The following ABCB11 variants were observed in gnomAD, a reference collection of about 807,000 sequenced individuals.
The protein encoded by ABCB11 is bile salt export pump.
Under a neutral mutation model 148.0 loss-of-function variants are expected in ABCB11, and 95 were observed. That is an observed-to-expected ratio of 0.64 (90% CI 0.54 to 0.76). ABCB11 has a LOEUF of 0.76. ABCB11 is among the 30% of genes least tolerant of loss of function. The pLI is 0.00. For synonymous variants in ABCB11, 591 were observed against 555.4 expected (o/e 1.06, Z -0.90); for missense variants, 1,523 against 1,617.8 (o/e 0.94, Z 1.01).
chr2:169,006,254 T>C (rs1695015776), intron 5 of ABCB11, among the ~76,000 whole-genome samples: 1 of 152,166 alleles, frequency 6.6e-6, no homozygotes. Flanking sequence ...TGAATATACA[T>C]TGATGTAATA....
chr2:169,027,652 C>A (rs1695740887), intron 1 of ABCB11, among the ~76,000 whole-genome samples: 1 of 152,044 alleles, frequency 6.6e-6, no homozygotes, highest in African/African-American at 2.4e-5. Context: ...TAAAAATGGG[C>A]CTGAATGAGT....
intron 10 of ABCB11, among the ~76,000 whole-genome samples, chr2:168,984,034 A>C (rs1431187880): frequency 6.6e-6 from 1 of 152,148 alleles, no homozygotes; most frequent in Non-Finnish European, 1.5e-5. Flanking sequence ...ATCACAAAAG[A>C]GAATGAAAAA....
chr2:168,930,651 G>T lies in ABCB11; in HGVS notation c.3411+14C>A, dbSNP rs151195688. 5 of 1,484,154 alleles carry T rather than the reference G, an allele frequency of 3.4e-6. No individual in the cohort carries two copies. The highest frequency in any genetic ancestry group is 1.8e-4 in the Middle Eastern group (1 of 5,500). 91.9% of individuals were successfully genotyped at this position (1,484,154 alleles called of 1,614,324 possible). On this transcript the variant is annotated intron_variant, in intron 25 of 27. Transcript: ENST00000650372. ...TGCAGAAGGCAAAATTCTCAAAAAGGTTGCGTGGCTTACCACCTTCCCTTG... is the reference window on the plus strand; with the variant it reads ...TGCAGAAGGCAAAATTCTCAAAAAGTTTGCGTGGCTTACCACCTTCCCTTG...
intron 1 of ABCB11, among the ~76,000 whole-genome samples, chr2:169,021,800 T>C (rs1369641388): frequency 6.6e-6 from 1 of 152,084 alleles, no homozygotes; most frequent in East Asian, 1.9e-4. Flanking sequence ...TTCATTACTA[T>C]GGAACCTGCA....
intron 19 of ABCB11, among the ~76,000 whole-genome samples, chr2:168,946,556 T>C (rs1048314156): frequency 6.6e-6 from 1 of 151,800 alleles, no homozygotes; most frequent in Non-Finnish European, 1.5e-5. Flanking sequence ...CTCGTAAGTT[T>C]ACAGAGTCTA....
intron 5 of ABCB11, among the ~76,000 whole-genome samples, chr2:169,003,452 A>AAT (rs1233896756): frequency 1.3e-5 from 2 of 150,686 alleles, no homozygotes; most frequent in Non-Finnish European, 3.0e-5. Context: ...TATCATACGT[A>AAT]ATATATATAT....
chr2:168,973,611 G>T (rs1574453316), intron 13 of ABCB11, 104 bp downstream of exon 13: 4 of 1,396,994 alleles, frequency 2.9e-6, no homozygotes, highest in East Asian at 4.8e-5. Context: ...AACTATGCAT[G>T]CCAGGACAGT....
chr2:168,948,569 T>C (rs1692428405), intron 19 of ABCB11, among the ~76,000 whole-genome samples: 1 of 151,622 alleles, frequency 6.6e-6, no homozygotes, highest in Admixed American at 6.6e-5. Flanking sequence ...ATAACCGATA[T>C]GCATTCCCCA....
intron 8 of ABCB11, among the ~76,000 whole-genome samples, chr2:168,993,254 A>G (rs1694600510): frequency 6.6e-6 from 1 of 152,002 alleles, no homozygotes. Flanking sequence ...GCTTGGGAGG[A>G]CATGGAGAAC....
chr2:168,995,709 C>G (rs2632379), intron 6 of ABCB11, among the ~76,000 whole-genome samples: 1 of 151,870 alleles, frequency 6.6e-6, no homozygotes, highest in African/African-American at 2.4e-5. Context: ...GAATCCAGCT[C>G]TGACACTTAA....
chr2:168,916,876 A>T (rs1287625946), downstream of ABCB11, among the ~76,000 whole-genome samples: 3 of 152,228 alleles, frequency 2.0e-5, no homozygotes, highest in Non-Finnish European at 4.4e-5. Context: ...ATATTTAATA[A>T]ATCAAACCCT....
At chr2:169,030,184 G>A (rs1441767760) in intron 1 of ABCB11, among the ~76,000 whole-genome samples, 1 of 152,054 alleles carries the variant, frequency 6.6e-6, no homozygotes, top group Non-Finnish European at 1.5e-5. Flanking sequence ...CCATTTTTAG[G>A]AGTCATCCCC....
intron 5 of ABCB11, among the ~76,000 whole-genome samples, chr2:169,001,071 T>G (rs1694856746): frequency 1.3e-5 from 2 of 152,280 alleles, no homozygotes; most frequent in South Asian, 4.1e-4. Context: ...ATTTTACCAA[T>G]TCAAGTGAAA....
At position 168,923,394 on chromosome 2, in the gene ABCB11, C is replaced by A. The variant is rs1574387777; in HGVS notation, c.*228G>T. The A allele has an allele frequency of 1.4e-5, 8 of 588,426 alleles. No homozygotes were observed. In the East Asian group the frequency reaches 2.3e-4, roughly 17 times the overall value. The allele number at this position is 588,426 out of a possible 1,614,324, so 36.5% of individuals were successfully genotyped here. On this transcript the variant is annotated 3_prime_UTR_variant, in exon 28 of 28. Transcript: ENST00000650372. ...CATTGGGTTTTCCCTCATATGGACCCTAGTTTCTTTCATTTTCTGTATACA... is the reference window on the plus strand; with the variant it reads ...CATTGGGTTTTCCCTCATATGGACCATAGTTTCTTTCATTTTCTGTATACA...
At chr2:169,013,243 G>T in intron 5 of ABCB11, 29 bp downstream of exon 5, 2 of 1,543,202 alleles carry the variant, frequency 1.3e-6, no homozygotes, top group South Asian at 2.4e-5. Flanking sequence ...GAGCAAAAAA[G>T]TAAAAAATTA....
intron 3 of ABCB11, among the ~76,000 whole-genome samples, chr2:169,015,390 A>T (rs1362223412): frequency 6.6e-6 from 1 of 151,668 alleles, no homozygotes; most frequent in Non-Finnish European, 1.5e-5. Flanking sequence ...AGAATCCTAA[A>T]TTTTTTCTGA....
At chr2:168,966,628 G>C (rs10168323) in intron 17 of ABCB11, among the ~76,000 whole-genome samples, 1 of 151,958 alleles carries the variant, frequency 6.6e-6, no homozygotes, top group East Asian at 2.0e-4. Flanking sequence ...GAAATTTGTG[G>C]CTGTTATGTA....
chr2:168,969,187 G>C (rs1693457845), intron 16 of ABCB11, among the ~76,000 whole-genome samples, 163 bp downstream of exon 16: 1 of 151,440 alleles, frequency 6.6e-6, no homozygotes, highest in Non-Finnish European at 1.5e-5. Flanking sequence ...AACTTGATCA[G>C]ATAGCTTAGC....
chr2:168,944,971 A>T lies in ABCB11; in HGVS notation c.2344-10T>A, dbSNP rs1283273038. The T allele has an allele frequency of 6.7e-7, 1 of 1,494,572 alleles. No homozygotes were observed. Among genetic ancestry groups the T allele is most frequent in the South Asian group, 1.3e-5 (1 of 77,122 alleles). 92.6% of individuals were successfully genotyped at this position (1,494,572 alleles called of 1,614,324 possible). On this transcript the variant is annotated splice_polypyrimidine_tract_variant and intron_variant, in intron 19 of 27. Coordinates refer to ENST00000650372, the MANE Select transcript of ABCB11 (RefSeq NM_003742.4). ...CAGGAATTGAAAAAGTCTTGGAAAGATAGTAAACAAGAAAGTAACTTTATT... is the reference window on the plus strand; with the variant it reads ...CAGGAATTGAAAAAGTCTTGGAAAGTTAGTAAACAAGAAAGTAACTTTATT...
Sources: allele counts gnomAD v4.1 joint callset (sites outside exome capture counted in the v4.1 genomes callset), GRCh38; gene constraint gnomAD v4.1.1; transcripts MANE v1.5; gene names NCBI Gene and HGNC (gene_info 2026-07-23, HGNC 2026-07-21).